Variants in AHI1 observed in about 807,000 individuals in gnomAD.
AHI1 encodes Abelson helper integration site 1, also known as jouberin.
AHI1 carries 123 observed loss-of-function variants against 149.3 expected under a neutral mutation model. That is an observed-to-expected ratio of 0.82 (90% CI 0.71 to 0.96). AHI1 has a LOEUF of 0.96. AHI1 is among the 40% of genes least tolerant of loss of function. AHI1 has a pLI of 0.00. For missense variants in AHI1, 1,439 were observed against 1,422.7 expected (o/e 1.01, Z -0.18); for synonymous variants, 475 against 459.8 (o/e 1.03, Z -0.42).
chr6:135,388,598 C>A (rs1482385072), intron 23 of AHI1, among the ~76,000 whole-genome samples: 1 of 152,062 alleles, frequency 6.6e-6, no homozygotes, highest in Non-Finnish European at 1.5e-5. Context: ...ATTAAAACTT[C>A]AATATACCAA....
intron 24 of AHI1, among the ~76,000 whole-genome samples, chr6:135,345,800 T>C (rs989273677): frequency 1.2e-4 from 18 of 152,212 alleles, no homozygotes; most frequent in African/African-American, 4.1e-4. Flanking sequence ...GGGTGCATTT[T>C]ATGCCATGTG....
chr6:135,324,518 T>C (rs967535967), intron 24 of AHI1, among the ~76,000 whole-genome samples: 2 of 148,044 alleles, frequency 1.4e-5, no homozygotes, highest in African/African-American at 5.0e-5. Context: ...CAACTACATA[T>C]GTAATGGAAA....
intron 23 of AHI1, among the ~76,000 whole-genome samples, chr6:135,382,962 AAATAAT>A (rs1222511207): frequency 7.1e-6 from 1 of 141,014 alleles, no homozygotes; most frequent in East Asian, 2.0e-4. Context: ...TATACATATA[AAATAAT>A]AATAATTTTT....
At position 135,332,065 on chromosome 6, in the gene AHI1, T is replaced by G. The variant is rs565443381; in HGVS notation, c.3166-8741A>C. On this transcript the variant is annotated intron_variant, in intron 24 of 28. Coordinates refer to ENST00000265602, the MANE Select transcript of AHI1 (RefSeq NM_001134831.2). ...CCATTACTTGATATCCGTTTTCAGG[T>G]TTAGGTTTTTTTTTTTTTTTTTCAG... is the stretch of plus-strand genomic sequence containing the variant. Among the ~76,000 whole-genome samples, 4 of 151,750 alleles carry G rather than the reference T, an allele frequency of 2.6e-5. No individual in the cohort carries two copies. The South Asian group carries it at 8.3e-4, about 32-fold the overall frequency.
chr6:135,296,074 C>T (rs935967054), intron 27 of AHI1, among the ~76,000 whole-genome samples: 9 of 152,096 alleles, frequency 5.9e-5, no homozygotes, highest in African/African-American at 2.2e-4. Flanking sequence ...AGGCTGGTCT[C>T]GAACTCCTGA....
rs1435182450 is a variant in AHI1, at chr6:135,283,703, GA to G, written c.*1941del. ...AAACATCTTTTATTAATCTATTCAT[GA>G]ACATAACCCTAGTCTTACTTTGTCA... On this transcript the variant is annotated 3_prime_UTR_variant, in exon 29 of 29. Transcript: ENST00000265602. The G allele has an allele frequency of 6.6e-6, 1 of 152,182 alleles. No homozygotes were observed. The highest frequency in any genetic ancestry group is 1.9e-4 in the East Asian group (1 of 5,192). The allele number at this position is 152,182 out of a possible 1,614,324, so 9.4% of individuals were successfully genotyped here. A position where few individuals can be genotyped will look rare whatever the true frequency, so the allele number is the denominator to read the frequency against.
intron 23 of AHI1, among the ~76,000 whole-genome samples, chr6:135,374,101 TATATA>T (rs1472450237): frequency 3.7e-4 from 8 of 21,834 alleles, no homozygotes; most frequent in African/African-American, 1.4e-3. Context: ...TATATATATA[TATATA>T]TATTTTTTTT....
intron 20 of AHI1, among the ~76,000 whole-genome samples, chr6:135,420,915 A>C (rs1270278317): frequency 6.6e-6 from 1 of 152,114 alleles, no homozygotes; most frequent in East Asian, 1.9e-4. Context: ...CACTGACCTC[A>C]ATCACTTCTA....
chr6:135,474,561 AACTG>A (rs1792293759), intron 5 of AHI1: 1 of 152,122 alleles, frequency 6.6e-6, no homozygotes, highest in East Asian at 1.9e-4. Context: ...TTCAATCTGT[AACTG>A]ACTGTGAAAA....
At chr6:135,363,936 C>CG (rs1252922843) in intron 23 of AHI1, among the ~76,000 whole-genome samples, 7 of 134,124 alleles carry the variant, frequency 5.2e-5, no homozygotes, top group African/African-American at 2.0e-4. Flanking sequence ...GCTGGCCGGG[C>CG]GGGGGGCTGA....
intron 23 of AHI1, among the ~76,000 whole-genome samples, chr6:135,367,923 C>T (rs988818421): frequency 2.0e-5 from 3 of 151,940 alleles, no homozygotes; most frequent in Admixed American, 6.6e-5. Context: ...TGTTAAAGAA[C>T]CTTGTTTTGT....
chr6:135,363,045 T>C (rs557686604), intron 23 of AHI1, among the ~76,000 whole-genome samples: 1 of 147,784 alleles, frequency 6.8e-6, no homozygotes, highest in East Asian at 1.9e-4. Flanking sequence ...TTTTATTTTA[T>C]TATTATTATT....
chr6:135,314,220 G>C (rs1004130634), intron 26 of AHI1, among the ~76,000 whole-genome samples: 1 of 150,984 alleles, frequency 6.6e-6, no homozygotes, highest in African/African-American at 2.4e-5. Flanking sequence ...GAGGTAATTA[G>C]GTCTTGAGGG....
intron 22 of AHI1, among the ~76,000 whole-genome samples, chr6:135,398,217 T>C (rs1024578703): frequency 6.6e-6 from 1 of 151,992 alleles, no homozygotes; most frequent in Non-Finnish European, 1.5e-5. Flanking sequence ...ATTTTAAGAG[T>C]AGCTTATGCT....
At chr6:135,327,102 G>A (rs1039698820) in intron 24 of AHI1, among the ~76,000 whole-genome samples, 2 of 152,126 alleles carry the variant, frequency 1.3e-5, no homozygotes, top group Admixed American at 6.5e-5. Flanking sequence ...AGTAGCAGTC[G>A]ACATACATAT....
Position 135,295,652 on chromosome 6 carries a change from T to C in AHI1, c.3485+4848A>G, listed in dbSNP as rs56255233. On this transcript the variant is annotated intron_variant, in intron 27 of 28. Transcript: ENST00000265602. ...GTACATGAATAAACAAACTGTGGTA[T>C]TTAAAACTCTAGACAGTGAGAGAAA... is the stretch of plus-strand genomic sequence containing the variant. Among the ~76,000 whole-genome samples the C allele has an allele frequency of 1.2e-3, 187 of 152,290 alleles. 1 individual carries two copies. The highest frequency in any genetic ancestry group is 4.1e-3 in the African/African-American group (172 of 41,550).
rs1468208396 is a variant in AHI1, at chr6:135,343,007, T to C, written c.3165+15125A>G. ...TAAAACTATCTCTATTAGTAGAGTA[T>C]GCAGACAATCTCAAAGAACTGATCC... On this transcript the variant is annotated intron_variant, in intron 24 of 28. Transcript: ENST00000265602. 3.3e-5 allele frequency among the ~76,000 whole-genome samples: 5 copies of C among 149,398 alleles called. No homozygotes were observed. The South Asian group carries it at 8.3e-4, about 25-fold the overall frequency.
rs761022642 is a variant in AHI1, at chr6:135,492,229, T to C, written c.9A>G (p.Thr3=). The C allele has an allele frequency of 5.0e-5, 76 of 1,533,986 alleles. No individual in the cohort carries two copies. The Admixed American group carries it at 1.4e-3, about 29-fold the overall frequency. MP[T]AESEAKVKTK... is the part of the protein sequence containing the mutation. ...ACATAAATTTCATAGAAGTCTTACCTGTAGGCATCTCTCAGCTTTATGCAG... is the reference window on the plus strand; with the variant it reads ...ACATAAATTTCATAGAAGTCTTACCCGTAGGCATCTCTCAGCTTTATGCAG... Residue 3 remains threonine (T), a splice_region_variant and synonymous_variant, in exon 4 of 29, where the codon ACA becomes ACG. Transcript: ENST00000265602.
intron 24 of AHI1, among the ~76,000 whole-genome samples, chr6:135,339,147 G>A (rs992823649): frequency 6.6e-6 from 1 of 151,994 alleles, no homozygotes; most frequent in African/African-American, 2.4e-5. Context: ...ATATCCCTAG[G>A]GCATTTGTCA....
Sources: gnomAD v4.1 joint callset for allele counts (sites outside exome capture counted in the v4.1 genomes callset) on GRCh38, gnomAD v4.1.1 for gene constraint, MANE v1.5 for transcripts, NCBI Gene and HGNC (gene_info 2026-07-23, HGNC 2026-07-21) for gene names.